Variants in BLOC1S5 observed in about 807,000 individuals in gnomAD.
The protein encoded by BLOC1S5 is biogenesis of lysosome-related organelles complex 1 subunit 5.
BLOC1S5 carries 27 observed loss-of-function variants against 24.3 expected under a neutral mutation model. That is an observed-to-expected ratio of 1.11 (90% CI 0.82 to 1.53). The LOEUF is 1.53. Ranked by LOEUF, BLOC1S5 falls within the 40% of genes most tolerant of loss-of-function variation. BLOC1S5 has a pLI of 0.00. For missense variants in BLOC1S5, 239 were observed against 229.4 expected (o/e 1.04, Z -0.27); for synonymous variants, 84 against 74.5 (o/e 1.13, Z -0.66).
intron 3 of BLOC1S5, among the ~76,000 whole-genome samples, chr6:8,028,790 C>T (rs1265274330): frequency 1.3e-5 from 2 of 151,930 alleles, no homozygotes; most frequent in Non-Finnish European, 2.9e-5. Context: ...ATTTGCTTTT[C>T]TAAAGTCAAA....
intron 3 of BLOC1S5, among the ~76,000 whole-genome samples, chr6:8,037,132 G>GGGCA (rs2113552869): frequency 6.6e-6 from 1 of 152,222 alleles, no homozygotes; most frequent in South Asian, 2.1e-4. Context: ...AGTACTGCCA[G>GGGCA]GGCAATTAGG....
At chr6:8,025,862 G>A (rs1438417203) in intron 4 of BLOC1S5, among the ~76,000 whole-genome samples, 6 of 152,170 alleles carry the variant, frequency 3.9e-5, no homozygotes, top group Non-Finnish European at 2.9e-5. Context: ...ATTATCACAG[G>A]AACTTAAATT....
chr6:8,059,942 C>T (rs2743991), intron 2 of BLOC1S5, among the ~76,000 whole-genome samples: 65,590 of 152,100 alleles, frequency 0.43, 14,468 homozygotes, highest in East Asian at 0.57. Flanking sequence ...CTGTCTTATT[C>T]ACTGGCATAT....
chr6:8,021,396 C>T (rs1041754956), intron 4 of BLOC1S5, among the ~76,000 whole-genome samples: 1 of 152,086 alleles, frequency 6.6e-6, no homozygotes, highest in African/African-American at 2.4e-5. Context: ...GTCAGGAGTT[C>T]GAGACCAGCC....
chr6:8,058,760 A>G (rs977714390), intron 2 of BLOC1S5, among the ~76,000 whole-genome samples: 1 of 152,230 alleles, frequency 6.6e-6, no homozygotes, highest in African/African-American at 2.4e-5. Flanking sequence ...GATAGAAGGT[A>G]AAACTGGAAG....
intron 4 of BLOC1S5, among the ~76,000 whole-genome samples, chr6:8,016,473 A>G (rs1412355867): frequency 6.6e-6 from 1 of 152,228 alleles, no homozygotes; most frequent in Non-Finnish European, 1.5e-5. Flanking sequence ...ATATATGCTA[A>G]AAGAATCATT....
intron 4 of BLOC1S5, among the ~76,000 whole-genome samples, chr6:8,025,056 T>A (rs547710921): frequency 6.6e-6 from 1 of 152,348 alleles, no homozygotes; most frequent in South Asian, 2.1e-4. Context: ...TAATTTAAGT[T>A]CCTTCTGCTC....
At chr6:8,016,876 C>CAAAAAAAAA (rs36179729) in intron 4 of BLOC1S5, among the ~76,000 whole-genome samples, 3 of 97,614 alleles carry the variant, frequency 3.1e-5, no homozygotes, top group African/African-American at 3.9e-5. Context: ...TACTCTATCT[C>CAAAAAAAAA]AAAAAAAAAA....
rs74708941 is a variant in BLOC1S5 at position 8,059,517 on chromosome 6, C to G, written c.195+3017G>C. Among the ~76,000 whole-genome samples the G allele has an allele frequency of 4.1e-3, 627 of 152,246 alleles. 5 individuals are homozygous for G. Among genetic ancestry groups the G allele is most frequent in the African/African-American group, 0.014 (600 of 41,542 alleles). On this transcript the variant is annotated intron_variant, in intron 2 of 4. Coordinates refer to ENST00000397457, the MANE Select transcript of BLOC1S5 (RefSeq NM_201280.3). ...AAAAGATGAAACTTCCAGGAGGTAC[C>G]AGCAGCTCTGCTTTGCCACTCTATC... is the stretch of plus-strand genomic sequence containing the variant.
intron 3 of BLOC1S5, among the ~76,000 whole-genome samples, chr6:8,027,554 C>T (rs534760011): frequency 1.3e-5 from 2 of 152,310 alleles, no homozygotes; most frequent in East Asian, 3.9e-4. Flanking sequence ...AGCAGTCAGG[C>T]CGGGCACGGT....
At chr6:8,043,883 C>G (rs9392952) in intron 2 of BLOC1S5, among the ~76,000 whole-genome samples, 128,547 of 152,138 alleles carry the variant, frequency 0.84, 54,643 homozygotes, top group East Asian at 1. Context: ...CATGGGGGCC[C>G]GTCTTTCCCA....
intron 3 of BLOC1S5, 58 bp from the exon 4 acceptor site, chr6:8,026,483 C>G (rs552247362): frequency 2.9e-5 from 40 of 1,363,810 alleles, no homozygotes; most frequent in Middle Eastern, 1.8e-4. Context: ...GAAACACATA[C>G]CTGGGGGAGG....
chr6:8,043,409 A>C (rs1167248035), intron 2 of BLOC1S5, among the ~76,000 whole-genome samples: 1 of 152,202 alleles, frequency 6.6e-6, no homozygotes, highest in Non-Finnish European at 1.5e-5. Context: ...CGATAAGGGT[A>C]CTTCATCTCT....
At chr6:8,032,842 CAGAG>C (rs1763350768) in intron 3 of BLOC1S5, among the ~76,000 whole-genome samples, 1 of 152,132 alleles carries the variant, frequency 6.6e-6, no homozygotes, top group South Asian at 2.1e-4. Context: ...AACAGACAAA[CAGAG>C]AGCCAAATCA....
chr6:8,040,439 C>T (rs953333001), intron 3 of BLOC1S5, among the ~76,000 whole-genome samples: 3 of 152,126 alleles, frequency 2.0e-5, no homozygotes, highest in Non-Finnish European at 4.4e-5. Context: ...TTAAATGCCT[C>T]TCAAAATAAA....
At chr6:8,041,349 G>C in intron 2 of BLOC1S5, 81 bp from the exon 3 acceptor site, 1 of 1,311,846 alleles carries the variant, frequency 7.6e-7, no homozygotes, top group Non-Finnish European at 9.9e-7. Flanking sequence ...GTCTCGCTCT[G>C]TCGCCCAGAC....
chr6:8,064,412 C>T, upstream of BLOC1S5: 1 of 1,561,270 alleles, frequency 6.4e-7, no homozygotes, highest in Non-Finnish European at 8.7e-7. Context: ...CCACGCTGCG[C>T]CTGCGCAAAC....
chr6:8,044,960 C>T lies in BLOC1S5; in HGVS notation c.196-3692G>A, dbSNP rs138845584. Among the ~76,000 whole-genome samples, 1,190 of 152,250 alleles carry T rather than the reference C, an allele frequency of 7.8e-3. 15 individuals carry two copies. The highest frequency in any genetic ancestry group is 0.027 in the Middle Eastern group (8 of 294). ...TCATTTTCTGAGGAGAAATCCAAGCCGGCTGCAGAAATTTGCATAAGTAAC... is the reference window on the plus strand; with the variant it reads ...TCATTTTCTGAGGAGAAATCCAAGCTGGCTGCAGAAATTTGCATAAGTAAC... On this transcript the variant is annotated intron_variant, in intron 2 of 4. Coordinates refer to ENST00000397457, the MANE Select transcript of BLOC1S5 (RefSeq NM_201280.3).
chr6:8,061,004 T>C (rs1285926764), intron 2 of BLOC1S5, among the ~76,000 whole-genome samples: 1 of 152,128 alleles, frequency 6.6e-6, no homozygotes, highest in Non-Finnish European at 1.5e-5. Flanking sequence ...TTTGTATTTT[T>C]TTAAGTAGAG....
Sources: gnomAD v4.1 joint callset for allele counts (sites outside exome capture counted in the v4.1 genomes callset) on GRCh38, gnomAD v4.1.1 for gene constraint, MANE v1.5 for transcripts, NCBI Gene and HGNC (gene_info 2026-07-23, HGNC 2026-07-21) for gene names.